PRELID2: variants seen among roughly 807,000 people sequenced by gnomAD.
The protein encoded by PRELID2 is PRELI domain-containing protein 2.
In PRELID2, 25 loss-of-function variants were observed where a neutral mutation model predicts 28.4. The ratio of observed to expected loss-of-function variants is 0.88; its 90% CI spans 0.64 to 1.23. The LOEUF (loss-of-function observed/expected upper bound fraction) is 1.23, where lower values mean the gene tolerates loss of function less well. Among genes scored for constraint, PRELID2 ranks in the 50% most tolerant of loss-of-function variants. The probability of loss-of-function intolerance (pLI) is 0.00; values close to 1 mark genes in which losing one functional copy is unlikely to be tolerated. For synonymous variants in PRELID2, 76 were observed against 71.6 expected, an observed-to-expected ratio of 1.06 and a Z score of -0.31; for missense variants, 201 against 214.4, an observed-to-expected ratio of 0.94 and a Z score of 0.39.
chr5:145,354,875 T>C, the PRELID2 span, among the ~76,000 whole-genome samples: 3 of 152,148 alleles, frequency 2.0e-5, no homozygotes, highest in Admixed American at 1.3e-4. Flanking sequence ...ACACAATGTC[T>C]ACATTGTTCA....
At chr5:145,592,224 G>A (rs10061046) in intron 1 of PRELID2, among the ~76,000 whole-genome samples, 16,474 of 152,048 alleles carry the variant, frequency 0.11, 2,400 homozygotes, top group African/African-American at 0.33. Flanking sequence ...AGACCAGCCT[G>A]GCCAATATGG....
chr5:145,272,175 A>C, the PRELID2 span, among the ~76,000 whole-genome samples: 1 of 152,026 alleles, frequency 6.6e-6, no homozygotes, highest in Non-Finnish European at 1.5e-5. Context: ...CACACACTCC[A>C]CCTCTGAGCA....
chr5:145,593,005 T>C (rs1753253413), intron 1 of PRELID2, among the ~76,000 whole-genome samples: 1 of 152,164 alleles, frequency 6.6e-6, no homozygotes, highest in Admixed American at 6.5e-5. Context: ...CTGAGACTAC[T>C]GTGAATGTGA....
rs996713625 is a variant in PRELID2, at chr5:145,533,592, G to T, written n.71-60277C>A. Among the ~76,000 whole-genome samples the T allele has an allele frequency of 2.0e-5, 3 of 151,994 alleles. No homozygotes were observed. The East Asian group carries it at 5.8e-4, about 29-fold the overall frequency. Reference sequence around the variant, plus strand: ...ATAGCTCTAAGAGTAACACACAATTGTTAGTCCCATGTGTGACTGGAGCTT... The same window carrying T: ...ATAGCTCTAAGAGTAACACACAATTTTTAGTCCCATGTGTGACTGGAGCTT... On this transcript the variant is annotated intron_variant and non_coding_transcript_variant, in intron 1 of 2. Transcript: ENST00000510259.
At chr5:145,241,994 G>A in the PRELID2 span, among the ~76,000 whole-genome samples, 1 of 151,810 alleles carries the variant, frequency 6.6e-6, no homozygotes, top group Admixed American at 6.6e-5. Flanking sequence ...AATGTCTACA[G>A]GAAAGTCATA....
At chr5:145,422,798 T>C in the PRELID2 span, among the ~76,000 whole-genome samples, 2 of 152,114 alleles carry the variant, frequency 1.3e-5, no homozygotes, top group Non-Finnish European at 2.9e-5. Flanking sequence ...CTGGTTATTT[T>C]GCTCATTGGT....
intron 5 of PRELID2, among the ~76,000 whole-genome samples, chr5:145,777,200 A>T (rs1213796788): frequency 6.6e-6 from 1 of 151,972 alleles, no homozygotes; most frequent in Non-Finnish European, 1.5e-5. Context: ...AATGAGGGGG[A>T]ATTTCCTTTT....
the PRELID2 span, among the ~76,000 whole-genome samples, chr5:145,285,807 T>C: frequency 3.9e-5 from 6 of 152,176 alleles, no homozygotes; most frequent in African/African-American, 1.4e-4. Flanking sequence ...ACCCTTCAAG[T>C]GGCAGAGATC....
intron 1 of PRELID2, among the ~76,000 whole-genome samples, chr5:145,532,735 C>T (rs926895637): frequency 1.3e-5 from 2 of 152,080 alleles, no homozygotes; most frequent in Non-Finnish European, 2.9e-5. Flanking sequence ...CTGTGCCTGG[C>T]TCATTTCACT....
chr5:145,241,990 T>C, the PRELID2 span, among the ~76,000 whole-genome samples: 4 of 152,102 alleles, frequency 2.6e-5, no homozygotes, highest in Middle Eastern at 0.01. Flanking sequence ...CTGAAATGTC[T>C]ACAGGAAAGT....
intron 1 of PRELID2, among the ~76,000 whole-genome samples, chr5:145,649,709 G>A (rs1754256936): frequency 6.6e-6 from 1 of 152,058 alleles, no homozygotes; most frequent in South Asian, 2.1e-4. Flanking sequence ...CTTTATTTCA[G>A]TGATTGCATT....
At chr5:145,421,526 T>C in the PRELID2 span, among the ~76,000 whole-genome samples, 1 of 146,990 alleles carries the variant, frequency 6.8e-6, no homozygotes, top group Non-Finnish European at 1.5e-5. Flanking sequence ...TGCATAGAGG[T>C]GTTTGTAGTA....
chr5:145,407,678 C>T, the PRELID2 span, among the ~76,000 whole-genome samples: 1 of 152,178 alleles, frequency 6.6e-6, no homozygotes, highest in South Asian at 2.1e-4. Context: ...AGAGTCACCT[C>T]TTAGATGTAG....
chr5:145,269,830 AC>A, the PRELID2 span, among the ~76,000 whole-genome samples: 9 of 149,078 alleles, frequency 6.0e-5, no homozygotes, highest in Non-Finnish European at 1.0e-4. Flanking sequence ...AAGATATGCC[AC>A]TTTTATAGAC....
intron 1 of PRELID2, among the ~76,000 whole-genome samples, chr5:145,531,001 T>G (rs1431451258): frequency 1.3e-5 from 2 of 152,162 alleles, no homozygotes; most frequent in Admixed American, 6.6e-5. Context: ...CATTTTGGTT[T>G]TGTTTTTTAA....
chr5:145,695,889 T>G lies in PRELID2; in HGVS notation n.70+69042A>C, dbSNP rs191848349. Among the ~76,000 whole-genome samples, 5 of 152,138 alleles carry G rather than the reference T, an allele frequency of 3.3e-5. No individual in the cohort carries two copies. The South Asian group carries it at 8.3e-4, about 25-fold the overall frequency. ...CACATAGACTGACTCTGATATAATATGGGAGGGGACCACACAAAAGCATAA... is the reference window on the plus strand; with the variant it reads ...CACATAGACTGACTCTGATATAATAGGGGAGGGGACCACACAAAAGCATAA... On this transcript the variant is annotated intron_variant and non_coding_transcript_variant, in intron 1 of 2. Coordinates refer to the PRELID2 transcript ENST00000510259.
the PRELID2 span, among the ~76,000 whole-genome samples, chr5:145,249,317 T>C: frequency 1.3e-5 from 2 of 152,174 alleles, no homozygotes; most frequent in African/African-American, 4.8e-5. Context: ...ACCTTTTCAT[T>C]CATCCATTAT....
At chr5:145,778,277 C>T (rs1463208287) in intron 5 of PRELID2, among the ~76,000 whole-genome samples, 1 of 152,106 alleles carries the variant, frequency 6.6e-6, no homozygotes, top group Non-Finnish European at 1.5e-5. Flanking sequence ...GCAACCCACT[C>T]CAGAGCCTCC....
chr5:145,604,288 C>A (rs1466197431), intron 1 of PRELID2, among the ~76,000 whole-genome samples: 1 of 152,088 alleles, frequency 6.6e-6, no homozygotes, highest in Non-Finnish European at 1.5e-5. Context: ...TTGTTCCTTT[C>A]TTTGTGTCCA....
Sources: allele counts gnomAD v4.1 joint callset (sites outside exome capture counted in the v4.1 genomes callset), GRCh38; gene constraint gnomAD v4.1.1; transcripts MANE v1.5; gene names NCBI Gene and HGNC (gene_info 2026-07-23, HGNC 2026-07-21).